GLMN: variants seen among roughly 807,000 people sequenced by gnomAD.
GLMN encodes glomulin, FKBP associated protein, also known as glomulin.
GLMN carries 75 observed loss-of-function variants against 87.8 expected under a neutral mutation model. The observed-to-expected ratio is 0.85, with a 90% CI of 0.71 to 1.04. The LOEUF (loss-of-function observed/expected upper bound fraction) is 1.04, where lower values mean the gene tolerates loss of function less well. Ranked by LOEUF, GLMN falls within the 50% of genes least tolerant of loss-of-function variation. GLMN has a pLI of 0.00. For synonymous variants in GLMN, 206 were observed against 221.6 expected (o/e 0.93, Z 0.63); for missense variants, 588 against 658.8 (o/e 0.89, Z 1.18).
At chr1:92,260,588 C>T (rs1654900975) in intron 16 of GLMN, among the ~76,000 whole-genome samples, 1 of 151,658 alleles carries the variant, frequency 6.6e-6, no homozygotes, top group African/African-American at 2.4e-5. Context: ...GCACTCCAGC[C>T]TGGGCGACAG....
rs756088343 is a variant in GLMN, at chr1:92,289,014, T to C, written c.532A>G (p.Lys178Glu). ...MDDYGLCQCC[K>E]ALIEFTKPFV... Reference sequence around the variant, plus strand: ...GGCTTAGTGAACTCTATTAAGGCCTTGCAACACTGACAAAGGCCATAGTCA... The same window carrying C: ...GGCTTAGTGAACTCTATTAAGGCCTCGCAACACTGACAAAGGCCATAGTCA... The change falls in exon 6 of 19, where the codon AAG becomes GAG. Residue 178 changes from lysine to glutamate, a missense_variant. Transcript: ENST00000370360. 7.4e-6 allele frequency: 12 copies of C among 1,612,274 alleles called. No homozygotes were observed. In the South Asian group the frequency reaches 1.3e-4, roughly 18 times the overall value.
rs1169120153 is a variant in GLMN, at chr1:92,248,076, TAAATG to T, written c.1474-92_1474-88del. 13 of 729,648 alleles carry T rather than the reference TAAATG, an allele frequency of 1.8e-5. No homozygotes were observed. The Admixed American group carries it at 2.3e-4, about 13-fold the overall frequency. The allele number at this position is 729,648 out of a possible 1,614,324, so 45.2% of individuals were successfully genotyped here. ...GCGATAAAAGCTCAAAAAACAAAAA[TAAATG>T]AAACATGGCCCTTGCTTTTCACAAT... On this transcript the variant is annotated intron_variant, in intron 16 of 18. Transcript: ENST00000370360.
the GLMN span, chr1:92,333,360 C>G: frequency 1.3e-6 from 2 of 1,519,252 alleles, no homozygotes; most frequent in Middle Eastern, 1.7e-4. Flanking sequence ...ACTTATGATT[C>G]TGTTTTGCTT....
At chr1:92,281,711 T>C (rs1476138192) in intron 7 of GLMN, among the ~76,000 whole-genome samples, 1 of 151,888 alleles carries the variant, frequency 6.6e-6, no homozygotes, top group African/African-American at 2.4e-5. Flanking sequence ...TGGTGTGCTG[T>C]ATTCAGGAGA....
At chr1:92,267,742 G>C (rs907507629) in intron 11 of GLMN, among the ~76,000 whole-genome samples, 171 bp downstream of exon 11, 1 of 151,926 alleles carries the variant, frequency 6.6e-6, no homozygotes, top group Admixed American at 6.6e-5. Context: ...CATTTCAAGT[G>C]TTCAGTTTGG....
the GLMN span, among the ~76,000 whole-genome samples, chr1:92,334,411 A>C: frequency 6.6e-6 from 1 of 152,198 alleles, no homozygotes; most frequent in African/African-American, 2.4e-5. Flanking sequence ...AGATGACACT[A>C]AGGAATTGTT....
chr1:92,332,496 T>C, the GLMN span, among the ~76,000 whole-genome samples: 2 of 152,138 alleles, frequency 1.3e-5, no homozygotes, highest in Non-Finnish European at 2.9e-5. Context: ...ATGCCAAACA[T>C]TGTATATTAA....
At chr1:92,309,229 G>A in the GLMN span, among the ~76,000 whole-genome samples, 2 of 152,026 alleles carry the variant, frequency 1.3e-5, no homozygotes, top group South Asian at 2.1e-4. Flanking sequence ...AGATCACAAG[G>A]TCAAGAGATC....
chr1:92,329,517 A>G, the GLMN span, among the ~76,000 whole-genome samples: 1 of 152,230 alleles, frequency 6.6e-6, no homozygotes, highest in Non-Finnish European at 1.5e-5. Context: ...GCCCCAGGCT[A>G]CAGGCCTCCC....
the GLMN span, among the ~76,000 whole-genome samples, chr1:92,333,795 T>C: frequency 1.3e-5 from 2 of 152,178 alleles, no homozygotes; most frequent in East Asian, 3.8e-4. Context: ...AAATACTGAT[T>C]TGCGGTAAAT....
chr1:92,268,715 A>C (rs113656670), intron 9 of GLMN, among the ~76,000 whole-genome samples: 53 of 152,204 alleles, frequency 3.5e-4, no homozygotes, highest in Non-Finnish European at 6.3e-4. Context: ...GCCATGTTAC[A>C]AATCTTCCTT....
Position 92,289,267 on chromosome 1 carries a change from A to G in GLMN, c.395-116T>C, listed in dbSNP as rs577629983. ...CCCACATTTTAACAACTCTTGAATC[A>G]AGATGACACATCACAGTCTAATTGG... On this transcript the variant is annotated intron_variant, in intron 5 of 18. Coordinates refer to ENST00000370360, the MANE Select transcript of GLMN (RefSeq NM_053274.3). 16 of 762,584 alleles carry G rather than the reference A, an allele frequency of 2.1e-5. No homozygotes were observed. The Admixed American group carries it at 2.6e-4, about 12-fold the overall frequency. The allele number at this position is 762,584 out of a possible 1,614,324, so 47.2% of individuals were successfully genotyped here.
intron 7 of GLMN, among the ~76,000 whole-genome samples, chr1:92,282,907 C>T (rs1648253318): frequency 6.6e-6 from 1 of 152,174 alleles, no homozygotes; most frequent in Non-Finnish European, 1.5e-5. Flanking sequence ...GACACATACA[C>T]CCTCCCAAGA....
chr1:92,290,322 C>A lies in GLMN; in HGVS notation c.286-16G>T, dbSNP rs765362291. 2.9e-5 allele frequency: 41 copies of A among 1,390,816 alleles called. 1 individual carries two copies. Among genetic ancestry groups the A allele is most frequent in the Admixed American group, 5.0e-5 (3 of 59,714 alleles). 86.2% of individuals were successfully genotyped at this position (1,390,816 alleles called of 1,614,324 possible). ...GATTGCATAACTATAAAAATATTCACAATTGAACCTGTTTAATACAAGTTG... is the reference window on the plus strand; with the variant it reads ...GATTGCATAACTATAAAAATATTCAAAATTGAACCTGTTTAATACAAGTTG... On this transcript the variant is annotated splice_polypyrimidine_tract_variant and intron_variant, in intron 4 of 18. Transcript: ENST00000370360.
intron 7 of GLMN, among the ~76,000 whole-genome samples, chr1:92,281,359 A>T (rs1480927287): frequency 6.6e-6 from 1 of 152,366 alleles, no homozygotes; most frequent in East Asian, 1.9e-4. Context: ...TTTCATATCC[A>T]GCCAAACTAA....
At chr1:92,266,235 G>T (rs2100891152) in intron 13 of GLMN, among the ~76,000 whole-genome samples, 184 bp downstream of exon 13, 1 of 152,186 alleles carries the variant, frequency 6.6e-6, no homozygotes, top group South Asian at 2.1e-4. Context: ...CATATATATA[G>T]TATGTCTGAA....
chr1:92,267,226 A>G (rs1026617599), intron 11 of GLMN, among the ~76,000 whole-genome samples: 7 of 152,154 alleles, frequency 4.6e-5, no homozygotes, highest in African/African-American at 1.7e-4. Flanking sequence ...GAGTCAGTGG[A>G]TGCCTTAGAT....
At chr1:92,299,189 G>A (rs1650584045), upstream of GLMN, 2 of 1,271,124 alleles carry the variant, frequency 1.6e-6, no homozygotes, top group East Asian at 2.9e-5. Context: ...CCTGAAAGCT[G>A]GGCCCCGATC....
At chr1:92,326,165 T>G in the GLMN span, among the ~76,000 whole-genome samples, 2 of 152,160 alleles carry the variant, frequency 1.3e-5, no homozygotes, top group African/African-American at 4.8e-5. Context: ...GGAGTTTCCT[T>G]GATTCCATGT....
Sources: gnomAD v4.1 joint callset for allele counts (sites outside exome capture counted in the v4.1 genomes callset) on GRCh38, gnomAD v4.1.1 for gene constraint, MANE v1.5 for transcripts, NCBI Gene and HGNC (gene_info 2026-07-23, HGNC 2026-07-21) for gene names.